LRIF1: variants seen among roughly 807,000 people sequenced by gnomAD.
The protein encoded by LRIF1 is ligand dependent nuclear receptor interacting factor 1.
A neutral mutation model predicts 52.7 loss-of-function variants in LRIF1; 32 were observed. The observed-to-expected ratio is 0.61, with a 90% CI of 0.46 to 0.82. The LOEUF (loss-of-function observed/expected upper bound fraction) is 0.82, where lower values mean the gene tolerates loss of function less well. LRIF1 is among the 40% of genes least tolerant of loss of function. LRIF1 has a pLI of 0.00. For missense variants in LRIF1, 887 were observed against 892.0 expected, an observed-to-expected ratio of 0.99 and a Z score of 0.07; for synonymous variants, 323 against 317.4, an observed-to-expected ratio of 1.02 and a Z score of -0.19.
rs142311156 is a variant in LRIF1 at position 110,951,401 on chromosome 1, C to A, written c.1483G>T (p.Val495Phe). ...GHNAPRKVTA[V>F]IYARKGSVLQ... Reference sequence around the variant, plus strand: ...ACACTTCCTTTTCTAGCATAAATGACGGCTGTTACTTTTCTGGGGGCATTG... The same window carrying A: ...ACACTTCCTTTTCTAGCATAAATGAAGGCTGTTACTTTTCTGGGGGCATTG... The change falls in exon 2 of 4, where the codon GTC (valine) becomes TTC (phenylalanine). Residue 495 changes from valine to phenylalanine, a missense_variant. Val to Phe is a conservative substitution (Grantham distance 50). Transcript: ENST00000369763. 2 of 1,614,064 alleles carry A rather than the reference C, an allele frequency of 1.2e-6. No individual in the cohort carries two copies. Among genetic ancestry groups the A allele is most frequent in the African/African-American group, 2.7e-5 (2 of 75,018 alleles).
downstream of LRIF1, chr1:110,943,487 T>A (rs1658135876): frequency 6.6e-6 from 1 of 152,210 alleles, no homozygotes; most frequent in African/African-American, 2.4e-5. Flanking sequence ...GCAATATATT[T>A]ATTAGGATTT....
Position 110,963,807 on chromosome 1 carries a change from T to C in LRIF1, c.-119A>G. Reference sequence around the variant, plus strand: ...GGGCTGGAGTTGCCCACAGCAACTGTGAGGGGTTCGACCTTAACGGAGGGC... The same window carrying C: ...GGGCTGGAGTTGCCCACAGCAACTGCGAGGGGTTCGACCTTAACGGAGGGC... On this transcript the variant is annotated 5_prime_UTR_variant, in exon 1 of 4. Coordinates refer to ENST00000369763, the MANE Select transcript of LRIF1 (RefSeq NM_018372.4). 2 of 758,858 alleles carry C rather than the reference T, an allele frequency of 2.6e-6. No individual in the cohort carries two copies. Among genetic ancestry groups the C allele is most frequent in the Non-Finnish European group, 4.4e-6 (2 of 454,472 alleles). 47.0% of individuals were successfully genotyped at this position (758,858 alleles called of 1,614,324 possible). A position where few individuals can be genotyped will look rare whatever the true frequency, so the allele number is the denominator to read the frequency against.
chr1:110,896,625 A>G, the LRIF1 span: 6 of 1,605,548 alleles, frequency 3.7e-6, no homozygotes, highest in Non-Finnish European at 5.1e-6. Flanking sequence ...CTTTCTAACC[A>G]TCATCATTTT....
In LRIF1 at chr1:110,952,802, T is replaced by C. The variant is rs759055199; in HGVS notation, c.82A>G (p.Met28Val). ...GNASRCVSGC[M>V]YQVVQTIGSD... ...CCAATCGTCTGAACTACTTGGTACA[T>C]GCAGCCTGAAACACTTAAAAGAACA... The change falls in exon 2 of 4, where the codon ATG (methionine) becomes GTG (valine). Residue 28 changes from methionine to valine, a missense_variant. Transcript: ENST00000369763. The C allele has an allele frequency of 2.5e-6, 4 of 1,595,630 alleles. 1 individual carries two copies. Among genetic ancestry groups the C allele is most frequent in the South Asian group, 2.3e-5 (2 of 88,616 alleles).
the LRIF1 span, among the ~76,000 whole-genome samples, chr1:110,921,134 A>C: frequency 0.015 from 2,277 of 152,284 alleles, 196 homozygotes; most frequent in Admixed American, 0.14. Context: ...ATAACATTTG[A>C]ATTGTGAGGT....
chr1:110,946,431 A>C (rs1017237194), downstream of LRIF1, among the ~76,000 whole-genome samples: 5 of 152,182 alleles, frequency 3.3e-5, no homozygotes, highest in African/African-American at 9.7e-5. Flanking sequence ...TGATGGTTGT[A>C]CAACTCTGTA....
downstream of LRIF1, among the ~76,000 whole-genome samples, chr1:110,945,421 C>A (rs1433359084): frequency 6.6e-6 from 1 of 151,486 alleles, no homozygotes; most frequent in Non-Finnish European, 1.5e-5. Flanking sequence ...TTTCCCCTCC[C>A]TCCCTCCCTC....
At chr1:110,942,915 T>G (rs2101097487), downstream of LRIF1, among the ~76,000 whole-genome samples, 1 of 152,260 alleles carries the variant, frequency 6.6e-6, no homozygotes, top group South Asian at 2.1e-4. Flanking sequence ...GACGGTATTT[T>G]GATCCATGAG....
chr1:110,931,590 T>C, the LRIF1 span, among the ~76,000 whole-genome samples: 8,742 of 152,200 alleles, frequency 0.057, 292 homozygotes, highest in East Asian at 0.13. Context: ...AACTAATTTA[T>C]ACTCCCACCA....
the LRIF1 span, among the ~76,000 whole-genome samples, chr1:110,902,559 T>A: frequency 1.5e-5 from 2 of 134,332 alleles, no homozygotes; most frequent in Middle Eastern, 4.1e-3. Context: ...AAAGAAAGAA[T>A]TCTAAAGAAT....
chr1:110,949,081 C>T (rs77646910), intron 3 of LRIF1, among the ~76,000 whole-genome samples: 1 of 151,594 alleles, frequency 6.6e-6, no homozygotes, highest in Admixed American at 6.6e-5. Flanking sequence ...GCATTTTTAC[C>T]TGTGCGTGTG....
At chr1:110,915,185 G>T in the LRIF1 span, among the ~76,000 whole-genome samples, 2 of 152,148 alleles carry the variant, frequency 1.3e-5, no homozygotes, top group African/African-American at 4.8e-5. Flanking sequence ...ACAATAAAAA[G>T]GCTATAAAAT....
chr1:110,895,558 A>C, the LRIF1 span, among the ~76,000 whole-genome samples: 1 of 152,254 alleles, frequency 6.6e-6, no homozygotes, highest in East Asian at 1.9e-4. Flanking sequence ...GCACCAGTAT[A>C]ATCTATTTGT....
chr1:110,917,499 G>A, the LRIF1 span, among the ~76,000 whole-genome samples: 1 of 152,164 alleles, frequency 6.6e-6, no homozygotes, highest in Non-Finnish European at 1.5e-5. Flanking sequence ...AGGGTAATTT[G>A]TACCACAATC....
the LRIF1 span, among the ~76,000 whole-genome samples, chr1:110,922,417 T>C: frequency 4.6e-5 from 7 of 152,204 alleles, no homozygotes; most frequent in Non-Finnish European, 7.3e-5. Flanking sequence ...GATCATGGAC[T>C]TCTCAGCCTC....
chr1:110,915,900 CA>C, the LRIF1 span, among the ~76,000 whole-genome samples: 1 of 152,214 alleles, frequency 6.6e-6, no homozygotes, highest in South Asian at 2.1e-4. Context: ...GTCTTCTCAA[CA>C]GCTAGTAGTA....
At chr1:110,962,061 TACACACAC>T (rs59351644) in intron 1 of LRIF1, among the ~76,000 whole-genome samples, 23 of 143,888 alleles carry the variant, frequency 1.6e-4, no homozygotes, top group Admixed American at 2.1e-4. Context: ...GAGTTAAGGG[TACACACAC>T]ACACACACAC....
the LRIF1 span, among the ~76,000 whole-genome samples, chr1:110,905,272 C>A: frequency 1.3e-5 from 2 of 152,006 alleles, no homozygotes; most frequent in African/African-American, 4.8e-5. Context: ...TATCAATAAC[C>A]AAGTATAAGA....
At chr1:110,883,035 T>C in the LRIF1 span, among the ~76,000 whole-genome samples, 1 of 151,960 alleles carries the variant, frequency 6.6e-6, no homozygotes, top group South Asian at 2.1e-4. Context: ...TTCTTTCCAG[T>C]TTGGATGCCA....
Sources: allele counts gnomAD v4.1 joint callset (sites outside exome capture counted in the v4.1 genomes callset), GRCh38; gene constraint gnomAD v4.1.1; transcripts MANE v1.5; gene names NCBI Gene and HGNC (gene_info 2026-07-23, HGNC 2026-07-21).